Variants in CTNNA3 observed in about 807,000 individuals in gnomAD.
The protein encoded by CTNNA3 is catenin alpha-3.
A neutral mutation model predicts 95.7 loss-of-function variants in CTNNA3; 76 were observed. That is an observed-to-expected ratio of 0.79 (90% CI 0.66 to 0.96). The LOEUF (loss-of-function observed/expected upper bound fraction) is 0.96. Among genes scored for constraint, CTNNA3 ranks in the 40% least tolerant of loss-of-function variants. The pLI, the probability that CTNNA3 is intolerant of heterozygous loss-of-function variation, is 0.00. For synonymous variants in CTNNA3, 431 were observed against 374.4 expected, an observed-to-expected ratio of 1.15 and a Z score of -1.74; for missense variants, 1,191 against 1,089.8, an observed-to-expected ratio of 1.09 and a Z score of -1.31.
chr10:66,543,413 G>T (rs1365716063), intron 10 of CTNNA3, among the ~76,000 whole-genome samples: 1 of 151,998 alleles, frequency 6.6e-6, no homozygotes, highest in Non-Finnish European at 1.5e-5. Flanking sequence ...TTAATAAAAT[G>T]CTATGCAGCC....
intron 7 of CTNNA3, among the ~76,000 whole-genome samples, chr10:66,811,519 T>A (rs1841874543): frequency 6.6e-6 from 1 of 152,114 alleles, no homozygotes; most frequent in South Asian, 2.1e-4. Flanking sequence ...GGTTTCGAAA[T>A]GGAGTAAAGG....
chr10:67,542,851 T>G (rs1032956299), intron 3 of CTNNA3, among the ~76,000 whole-genome samples: 1 of 152,106 alleles, frequency 6.6e-6, no homozygotes, highest in Non-Finnish European at 1.5e-5. Context: ...CAGGAGAAAA[T>G]GGTTATTTTC....
At chr10:66,551,764 T>C (rs1049713107) in intron 10 of CTNNA3, among the ~76,000 whole-genome samples, 2 of 152,098 alleles carry the variant, frequency 1.3e-5, no homozygotes, top group African/African-American at 2.4e-5. Flanking sequence ...CTGAGAATGA[T>C]AGGGATTAAA....
At chr10:66,434,524 T>A (rs2093323058) in intron 11 of CTNNA3, among the ~76,000 whole-genome samples, 1 of 152,196 alleles carries the variant, frequency 6.6e-6, no homozygotes, top group African/African-American at 2.4e-5. Flanking sequence ...AAGTTGCTTA[T>A]CAGCCTAAGG....
chr10:67,626,731 T>G (rs140059796), intron 2 of CTNNA3, among the ~76,000 whole-genome samples: 40 of 152,280 alleles, frequency 2.6e-4, no homozygotes, highest in African/African-American at 8.4e-4. Context: ...CCCTCATCTA[T>G]TTGACTTTTG....
chr10:67,721,591 T>C (rs1841180118), intron 1 of CTNNA3, among the ~76,000 whole-genome samples: 1 of 152,186 alleles, frequency 6.6e-6, no homozygotes, highest in African/African-American at 2.4e-5. Flanking sequence ...CTTCCTTGCA[T>C]TTGGTTAGAA....
chr10:66,508,501 C>T (rs895036193), intron 11 of CTNNA3, among the ~76,000 whole-genome samples: 3 of 151,982 alleles, frequency 2.0e-5, no homozygotes, highest in Non-Finnish European at 4.4e-5. Flanking sequence ...GCAACAGCTT[C>T]CCTATATGAG....
intron 7 of CTNNA3, among the ~76,000 whole-genome samples, chr10:66,805,708 A>G (rs1278543831): frequency 6.6e-6 from 1 of 151,970 alleles, no homozygotes; most frequent in African/African-American, 2.4e-5. Context: ...AACAGTCAGA[A>G]AGTACAAGCT....
chr10:67,555,224 C>A (rs1334630494), intron 3 of CTNNA3, among the ~76,000 whole-genome samples: 4 of 152,088 alleles, frequency 2.6e-5, no homozygotes, highest in African/African-American at 7.2e-5. Flanking sequence ...TTAGGATTGT[C>A]TTGGCAATGC....
intron 13 of CTNNA3, among the ~76,000 whole-genome samples, chr10:66,138,611 C>T (rs2083465109): frequency 6.6e-6 from 1 of 152,172 alleles, no homozygotes; most frequent in South Asian, 2.1e-4. Flanking sequence ...GGCAGATCAC[C>T]TGCCATCAGG....
intron 11 of CTNNA3, among the ~76,000 whole-genome samples, chr10:66,469,012 T>G (rs1839032049): frequency 6.6e-6 from 1 of 151,840 alleles, no homozygotes; most frequent in Admixed American, 6.6e-5. Flanking sequence ...AAAAGAAATA[T>G]AAATGAAAGG....
rs78476238 is a variant in CTNNA3, at chr10:67,063,989, T to C, written c.1047+116328A>G. 0.01 allele frequency among the ~76,000 whole-genome samples: 1,564 copies of C among 152,286 alleles called. 64 individuals are homozygous for C. The East Asian group carries it at 0.14, about 14-fold the overall frequency. On this transcript the variant is annotated intron_variant, in intron 7 of 17. Transcript: ENST00000433211. ...AACAAAAGTAACACAGTCAGTTGGA[T>C]GGAATTTTAGAGTCATCTCCCTCTA...
intron 5 of CTNNA3, among the ~76,000 whole-genome samples, chr10:67,492,087 G>A (rs1166446762): frequency 6.6e-6 from 1 of 152,010 alleles, no homozygotes. Flanking sequence ...CTCCGTGGGT[G>A]TATATGATTT....
intron 12 of CTNNA3, among the ~76,000 whole-genome samples, chr10:66,372,865 C>T (rs1162443524): frequency 1.3e-5 from 2 of 152,108 alleles, no homozygotes; most frequent in East Asian, 3.9e-4. Context: ...ATTCAATTAC[C>T]TCCCACTGGG....
chr10:66,729,932 G>A (rs1424248963), intron 9 of CTNNA3, among the ~76,000 whole-genome samples: 1 of 151,096 alleles, frequency 6.6e-6, no homozygotes, highest in South Asian at 2.1e-4. Context: ...GTGAAACCCT[G>A]TCTCTACTAA....
intron 1 of CTNNA3, among the ~76,000 whole-genome samples, chr10:67,650,330 G>C (rs961556725): frequency 3.3e-5 from 5 of 152,128 alleles, no homozygotes; most frequent in Non-Finnish European, 5.9e-5. Context: ...TTATCCAAAA[G>C]AGATGGCTTA....
rs193181481 is a variant in CTNNA3 at position 66,053,113 on chromosome 10, G to A, written c.2159+16195C>T. ...GGTGCATCCATTGAACTATCTTACT[G>A]TGTTTTTTTAAACCAGGTACTTTTA... On this transcript the variant is annotated intron_variant, in intron 15 of 17. Coordinates refer to ENST00000433211, the MANE Select transcript of CTNNA3 (RefSeq NM_013266.4). Among the ~76,000 whole-genome samples the A allele has an allele frequency of 2.6e-3, 390 of 152,182 alleles. 6 individuals are homozygous for A. The highest frequency in any genetic ancestry group is 9.1e-3 in the African/African-American group (377 of 41,568).
At chr10:67,173,995 A>G (rs1296642176) in intron 7 of CTNNA3, among the ~76,000 whole-genome samples, 1 of 152,198 alleles carries the variant, frequency 6.6e-6, no homozygotes, top group Non-Finnish European at 1.5e-5. Flanking sequence ...TGTAACCTTT[A>G]GGGACTTTCA....
At chr10:67,625,657 C>T (rs1346070159) in intron 2 of CTNNA3, among the ~76,000 whole-genome samples, 1 of 152,178 alleles carries the variant, frequency 6.6e-6, no homozygotes, top group African/African-American at 2.4e-5. Flanking sequence ...CTTAGAAATT[C>T]TCTTAGTAAG....
Sources: gnomAD v4.1 joint callset for allele counts (sites outside exome capture counted in the v4.1 genomes callset) on GRCh38, gnomAD v4.1.1 for gene constraint, MANE v1.5 for transcripts, NCBI Gene and HGNC (gene_info 2026-07-23, HGNC 2026-07-21) for gene names.